LIMA1: variants seen among roughly 807,000 people sequenced by gnomAD.
The protein encoded by LIMA1 is LIM domain and actin binding 1, also known as LIM domain and actin-binding protein 1.
In LIMA1, 52 loss-of-function variants were observed where a neutral mutation model predicts 62.6. The observed-to-expected ratio is 0.83, with a 90% CI of 0.67 to 1.05. The LOEUF is 1.05. LIMA1 is among the 50% of genes least tolerant of loss of function. The probability of loss-of-function intolerance (pLI) is 0.00; values close to 1 mark genes in which losing one functional copy is unlikely to be tolerated. For synonymous variants in LIMA1, 302 were observed against 317.8 expected (o/e 0.95, Z 0.53); for missense variants, 780 against 902.2 (o/e 0.86, Z 1.74).
At chr12:50,282,572 C>T (rs1942353133) in intron 1 of LIMA1, among the ~76,000 whole-genome samples, 1 of 152,104 alleles carries the variant, frequency 6.6e-6, no homozygotes, top group African/African-American at 2.4e-5. Context: ...GCTAAGTTGC[C>T]TTGGCTGGTC....
rs1336146219 is a variant in LIMA1 at position 50,283,500 on chromosome 12, A to G, written c.-104T>C. 6.6e-6 allele frequency: 1 copy of G among 152,200 alleles called. No homozygotes were observed. Among genetic ancestry groups the G allele is most frequent in the Non-Finnish European group, 1.5e-5 (1 of 68,082 alleles). 9.4% of individuals were successfully genotyped at this position (152,200 alleles called of 1,614,324 possible). A position where few individuals can be genotyped will look rare whatever the true frequency, so the allele number is the denominator to read the frequency against. On this transcript the variant is annotated 5_prime_UTR_variant, in exon 1 of 11. Transcript: ENST00000341247. ...CGCTCTACCTAGCGCACCTGTCGCGACCAAGCTGCTAACACCTACTGCTCC... is the reference window on the plus strand; with the variant it reads ...CGCTCTACCTAGCGCACCTGTCGCGGCCAAGCTGCTAACACCTACTGCTCC...
At chr12:50,218,151 C>T (rs560677294) in intron 4 of LIMA1, 2 of 152,370 alleles carry the variant, frequency 1.3e-5, no homozygotes, top group South Asian at 2.1e-4. Context: ...GTGATCCGCC[C>T]GCCTCAGCCT....
chr12:50,178,463 C>G (rs1375275335), intron 10 of LIMA1, among the ~76,000 whole-genome samples: 1 of 151,142 alleles, frequency 6.6e-6, no homozygotes, highest in Non-Finnish European at 1.5e-5. Flanking sequence ...GGGAGAATCA[C>G]TTGAACCCGG....
chr12:50,259,494 G>A (rs761296536), intron 1 of LIMA1, among the ~76,000 whole-genome samples: 6 of 152,106 alleles, frequency 3.9e-5, no homozygotes, highest in Non-Finnish European at 7.4e-5. Context: ...GAAACTGAAT[G>A]CTTATCCTGC....
chr12:50,201,161 C>A, intron 6 of LIMA1: 1 of 1,164,182 alleles, frequency 8.6e-7, no homozygotes, highest in South Asian at 2.3e-5. Flanking sequence ...CACAGAACAC[C>A]CCAAGCATAC....
chr12:50,263,853 G>A (rs1207885491), intron 1 of LIMA1, among the ~76,000 whole-genome samples: 47 of 99,630 alleles, frequency 4.7e-4, no homozygotes, highest in African/African-American at 1.8e-3. Context: ...TATATATATA[G>A]AGAGTATATA....
At chr12:50,194,921 G>A (rs1444522824) in intron 8 of LIMA1, among the ~76,000 whole-genome samples, 3 of 151,980 alleles carry the variant, frequency 2.0e-5, no homozygotes, top group Non-Finnish European at 2.9e-5. Flanking sequence ...GGTGGTGTGC[G>A]CCTGTAATCC....
intron 2 of LIMA1, among the ~76,000 whole-genome samples, chr12:50,241,778 T>C (rs1941779406): frequency 6.6e-6 from 1 of 152,036 alleles, no homozygotes; most frequent in African/African-American, 2.4e-5. Context: ...GGCCTCAGAC[T>C]TTTCTCAGAG....
intron 1 of LIMA1, among the ~76,000 whole-genome samples, chr12:50,249,216 G>C (rs1469009339): frequency 1.3e-5 from 2 of 152,192 alleles, no homozygotes; most frequent in Non-Finnish European, 2.9e-5. Flanking sequence ...TGGCCACTCA[G>C]TGCCAGGGAG....
intron 6 of LIMA1, 26 bp from the exon 7 acceptor site, chr12:50,200,910 A>G (rs575089338): frequency 6.2e-7 from 1 of 1,608,690 alleles, no homozygotes; most frequent in Non-Finnish European, 8.5e-7. Context: ...AACTGTAAAA[A>G]TTTTTTTAAA....
chr12:50,256,832 AC>A (rs1310964730), intron 1 of LIMA1, among the ~76,000 whole-genome samples: 1 of 152,234 alleles, frequency 6.6e-6, no homozygotes, highest in Non-Finnish European at 1.5e-5. Context: ...TTTTTAAAAA[AC>A]ATGATATTTT....
chr12:50,176,078 A>T lies in LIMA1; in HGVS notation c.*986T>A, dbSNP rs978504999. 2.0e-5 allele frequency: 3 copies of T among 152,216 alleles called. No homozygotes were observed. Among genetic ancestry groups the T allele is most frequent in the Non-Finnish European group, 4.4e-5 (3 of 68,038 alleles). 9.4% of individuals were successfully genotyped at this position (152,216 alleles called of 1,614,324 possible). ...TTAATTTCACCCTGAGAATACTGTG[A>T]TAAAAATCAATATATTTCAGAGCTA... On this transcript the variant is annotated 3_prime_UTR_variant, in exon 11 of 11. Transcript: ENST00000341247.
intron 6 of LIMA1, chr12:50,202,260 T>C (rs1416028613): frequency 6.6e-6 from 1 of 152,204 alleles, no homozygotes; most frequent in South Asian, 2.1e-4. Context: ...TACAACCATA[T>C]TCTGTAAGGG....
At chr12:50,271,241 A>C (rs970703591) in intron 1 of LIMA1, among the ~76,000 whole-genome samples, 1 of 152,262 alleles carries the variant, frequency 6.6e-6, no homozygotes, top group African/African-American at 2.4e-5. Flanking sequence ...ACTGCACTCC[A>C]GCCTCGGCGA....
In LIMA1 at chr12:50,195,892, A is replaced by C. The variant is rs759699389; in HGVS notation, c.973-5T>G. The C allele has an allele frequency of 1.0e-4, 34 of 328,642 alleles. No individual in the cohort carries two copies. Among genetic ancestry groups the C allele is most frequent in the Admixed American group, 2.5e-4 (6 of 23,532 alleles). The allele number at this position is 328,642 out of a possible 1,614,324, so 20.4% of individuals were successfully genotyped here. On this transcript the variant is annotated splice_polypyrimidine_tract_variant and splice_region_variant and intron_variant, in intron 7 of 10. Coordinates refer to ENST00000341247, the MANE Select transcript of LIMA1 (RefSeq NM_016357.5). Reference sequence around the variant, plus strand: ...GCTATTCTCATTTGCAGAAATCTACAAAAAAAAAAAAAAAAAAAAAGTTAG... The same window carrying C: ...GCTATTCTCATTTGCAGAAATCTACCAAAAAAAAAAAAAAAAAAAAGTTAG...
At chr12:50,188,642 G>GCAGAGA (rs1353401099) in intron 9 of LIMA1, 1 of 152,248 alleles carries the variant, frequency 6.6e-6, no homozygotes, top group African/African-American at 2.4e-5. Context: ...TGGGTCTGAG[G>GCAGAGA]CAGAGACAGA....
chr12:50,271,821 G>A (rs138115723), intron 1 of LIMA1, among the ~76,000 whole-genome samples: 1 of 152,264 alleles, frequency 6.6e-6, no homozygotes, highest in East Asian at 1.9e-4. Flanking sequence ...ATGAAAAACA[G>A]TGTTACACTA....
chr12:50,217,900 CTTTTCTT>C, intron 4 of LIMA1: 6 of 151,346 alleles, frequency 4.0e-5, no homozygotes, highest in Non-Finnish European at 7.0e-5. Flanking sequence ...TGATGAATTT[CTTTTCTT>C]TTTTTTTTTT....
intron 3 of LIMA1, among the ~76,000 whole-genome samples, chr12:50,230,389 C>T (rs931297190): frequency 2.0e-5 from 3 of 151,862 alleles, no homozygotes; most frequent in Admixed American, 6.6e-5. Flanking sequence ...GTAAATTCCA[C>T]GAGGGCTGGG....
Sources: allele counts gnomAD v4.1 joint callset (sites outside exome capture counted in the v4.1 genomes callset), GRCh38; gene constraint gnomAD v4.1.1; transcripts MANE v1.5; gene names NCBI Gene and HGNC (gene_info 2026-07-23, HGNC 2026-07-21).